PCDH15: variants seen among roughly 807,000 people sequenced by gnomAD.
PCDH15 encodes the protein protocadherin-15.
A neutral mutation model predicts 178.5 loss-of-function variants in PCDH15; 129 were observed. The observed-to-expected ratio is 0.72, with a 90% confidence interval of 0.63 to 0.84. The LOEUF (loss-of-function observed/expected upper bound fraction) is 0.84. Ranked by LOEUF, PCDH15 falls within the 40% of genes least tolerant of loss-of-function variation. PCDH15 has a pLI of 0.00. For synonymous variants in PCDH15, 800 were observed against 732.0 expected (o/e 1.09, Z -1.50); for missense variants, 2,230 against 2,099.9 (o/e 1.06, Z -1.21).
chr10:54,169,877 CAAGT>C (rs1268415469), intron 13 of PCDH15, among the ~76,000 whole-genome samples: 3 of 151,622 alleles, frequency 2.0e-5, no homozygotes, highest in Non-Finnish European at 4.4e-5. Context: ...ATAAGCCTTA[CAAGT>C]TAGTTCAGAA....
At chr10:55,298,353 T>G (rs1030935350) in intron 1 of PCDH15, among the ~76,000 whole-genome samples, 5 of 152,228 alleles carry the variant, frequency 3.3e-5, no homozygotes, top group Non-Finnish European at 7.3e-5. Context: ...AATCCTCAGC[T>G]GCAGGAATAT....
chr10:55,236,253 C>T (rs933150748), intron 1 of PCDH15, among the ~76,000 whole-genome samples: 1 of 151,844 alleles, frequency 6.6e-6, no homozygotes, highest in African/African-American at 2.4e-5. Flanking sequence ...TAAATAAGCA[C>T]CTTCTTGCTC....
intron 2 of PCDH15, among the ~76,000 whole-genome samples, chr10:55,591,876 T>C (rs745630906): frequency 2.0e-5 from 3 of 152,164 alleles, no homozygotes; most frequent in Non-Finnish European, 2.9e-5. Flanking sequence ...AATACTAAGA[T>C]ATACTGTATT....
upstream of PCDH15, among the ~76,000 whole-genome samples, chr10:55,321,895 C>T (rs189494929): frequency 6.6e-6 from 1 of 152,300 alleles, no homozygotes; most frequent in East Asian, 1.9e-4. Context: ...CTAGCCACTA[C>T]AAAAACATAC....
intron 2 of PCDH15, among the ~76,000 whole-genome samples, chr10:55,082,791 A>G (rs540044923): frequency 6.6e-6 from 1 of 152,068 alleles, no homozygotes; most frequent in South Asian, 2.1e-4. Context: ...ATGTCAATAA[A>G]TTGGGAATAC....
chr10:53,915,708 C>T (rs926752897), intron 25 of PCDH15, among the ~76,000 whole-genome samples: 8 of 151,956 alleles, frequency 5.3e-5, no homozygotes, highest in Admixed American at 5.2e-4. Flanking sequence ...TATAGGTGCC[C>T]GCCACCATGC....
chr10:54,510,565 T>A (rs1215044494), intron 3 of PCDH15, among the ~76,000 whole-genome samples: 1 of 152,102 alleles, frequency 6.6e-6, no homozygotes, highest in Non-Finnish European at 1.5e-5. Context: ...ATTGGAAAAC[T>A]ACAATGGACT....
chr10:54,604,277 A>G (rs985780945), intron 2 of PCDH15, among the ~76,000 whole-genome samples: 2 of 151,908 alleles, frequency 1.3e-5, no homozygotes, highest in Admixed American at 6.6e-5. Context: ...AGTTCTGTAG[A>G]TGTCTGTTAG....
At chr10:55,195,654 A>T (rs1201425214) in intron 1 of PCDH15, among the ~76,000 whole-genome samples, 1 of 32,620 alleles carries the variant, frequency 3.1e-5, no homozygotes, top group Admixed American at 3.5e-4. Context: ...AACTCCATCT[A>T]AAAAAAAAAA....
intron 5 of PCDH15, among the ~76,000 whole-genome samples, chr10:54,353,090 T>G (rs1476720680): frequency 6.6e-6 from 1 of 152,134 alleles, no homozygotes; most frequent in African/African-American, 2.4e-5. Context: ...GAAATTACAA[T>G]GTCTCTGAAT....
chr10:54,625,698 A>C (rs1476278853), intron 2 of PCDH15, among the ~76,000 whole-genome samples: 9 of 152,166 alleles, frequency 5.9e-5, no homozygotes, highest in Non-Finnish European at 1.0e-4. Flanking sequence ...TAAATTGCTC[A>C]GTCTCAGGTA....
At chr10:54,230,975 T>C (rs2053995485) in intron 9 of PCDH15, among the ~76,000 whole-genome samples, 1 of 152,208 alleles carries the variant, frequency 6.6e-6, no homozygotes, top group Non-Finnish European at 1.5e-5. Flanking sequence ...TCATTATTAA[T>C]GACAGTGCTG....
Position 54,132,965 on chromosome 10 carries a change from A to G in PCDH15, c.1827T>C (p.Asn609=). 1 of 1,614,110 alleles carries G rather than the reference A, an allele frequency of 6.2e-7. No individual in the cohort carries two copies. Residue 609 remains asparagine, a synonymous_variant, in exon 15 of 38, where the codon AAT becomes AAC. Coordinates refer to ENST00000644397, the MANE Select transcript of PCDH15 (RefSeq NM_001384140.1). ...GTGGGAAGCGAGGAGGGCTTTGATT[A>G]TTTGGTGGAAGCACTTCAATATACA... ...CTVYIEVLPP[N]NQSPPRFPQL...
intron 13 of PCDH15, among the ~76,000 whole-genome samples, chr10:54,156,688 C>T (rs1455034803): frequency 1.3e-5 from 2 of 152,196 alleles, no homozygotes; most frequent in African/African-American, 2.4e-5. Context: ...CATGCTTTCT[C>T]AACAGTCTTC....
intron 2 of PCDH15, among the ~76,000 whole-genome samples, chr10:55,565,788 T>C (rs983927561): frequency 2.6e-5 from 4 of 151,452 alleles, no homozygotes; most frequent in Non-Finnish European, 4.4e-5. Flanking sequence ...CACTAAATAA[T>C]GATAAAATTA....
chr10:54,495,994 C>A (rs1183661084), intron 3 of PCDH15, among the ~76,000 whole-genome samples: 2 of 152,074 alleles, frequency 1.3e-5, no homozygotes, highest in East Asian at 3.9e-4. Flanking sequence ...TTCTGGACTT[C>A]AAGTAAAACA....
intron 1 of PCDH15, among the ~76,000 whole-genome samples, chr10:55,229,106 T>C (rs1841138816): frequency 2.0e-5 from 3 of 151,908 alleles, no homozygotes; most frequent in Non-Finnish European, 4.4e-5. Flanking sequence ...ATAAAAAGTC[T>C]CTGAAGTTTC....
At chr10:54,851,702 C>A (rs1025760606) in intron 3 of PCDH15, among the ~76,000 whole-genome samples, 60 of 152,120 alleles carry the variant, frequency 3.9e-4, no homozygotes, top group African/African-American at 1.4e-3. Flanking sequence ...TCAAGCAATT[C>A]TCCTGCCTTA....
At chr10:55,086,998 C>T (rs74136348) in intron 2 of PCDH15, among the ~76,000 whole-genome samples, 1,579 of 151,990 alleles carry the variant, frequency 0.01, 35 homozygotes, top group African/African-American at 0.036. Context: ...AGTATTTTTG[C>T]TAGTTTTATA....
Sources: gnomAD v4.1 joint callset for allele counts (sites outside exome capture counted in the v4.1 genomes callset) on GRCh38, gnomAD v4.1.1 for gene constraint, MANE v1.5 for transcripts, NCBI Gene and HGNC (gene_info 2026-07-23, HGNC 2026-07-21) for gene names.